VPS13D: variants seen among roughly 807,000 people sequenced by gnomAD.
VPS13D encodes the protein vacuolar protein sorting 13 homolog D, also known as intermembrane lipid transfer protein VPS13D.
VPS13D carries 187 observed loss-of-function variants against 461.9 expected under a neutral mutation model. The ratio of observed to expected loss-of-function variants is 0.40; its 90% CI spans 0.36 to 0.46. The LOEUF is 0.46. Among genes scored for constraint, VPS13D ranks in the 20% least tolerant of loss-of-function variants. The pLI is 0.60. For synonymous variants in VPS13D, 1,951 were observed against 1,986.3 expected, an observed-to-expected ratio of 0.98 and a Z score of 0.47; for missense variants, 4,711 against 5,364.9, an observed-to-expected ratio of 0.88 and a Z score of 3.81.
chr1:12,379,663 C>T (rs980008565), intron 57 of VPS13D, 67 bp downstream of exon 57: 19 of 1,135,606 alleles, frequency 1.7e-5, no homozygotes, highest in Non-Finnish European at 2.3e-5. Flanking sequence ...AAAGTCTCTA[C>T]TAAGTTATAC....
chr1:12,497,393 TGTAAA>T, intron 67 of VPS13D, 102 bp from the exon 68 acceptor site: 2 of 1,358,348 alleles, frequency 1.5e-6, no homozygotes, highest in Non-Finnish European at 2.0e-6. Flanking sequence ...GTTCACTAAA[TGTAAA>T]GTATGTCTCG....
chr1:12,385,856 T>G (rs1385509640), intron 59 of VPS13D, among the ~76,000 whole-genome samples: 1 of 152,210 alleles, frequency 6.6e-6, no homozygotes, highest in Non-Finnish European at 1.5e-5. Flanking sequence ...GATAACAGAT[T>G]ATGAGCTTTC....
At chr1:12,371,037 T>C (rs1412719103) in intron 54 of VPS13D, among the ~76,000 whole-genome samples, 2 of 152,210 alleles carry the variant, frequency 1.3e-5, no homozygotes, top group East Asian at 3.8e-4. Context: ...TGAGGAAGAA[T>C]AGTTTTTTTT....
In VPS13D at chr1:12,404,578, T is replaced by G. The variant is rs72868265; in HGVS notation, c.12030+605T>G. Reference sequence around the variant, plus strand: ...CACAGCCTGAACACCGTCTTCATTTTCAGCCATAAAGTTTATCTTCATCAA... The same window carrying G: ...CACAGCCTGAACACCGTCTTCATTTGCAGCCATAAAGTTTATCTTCATCAA... On this transcript the variant is annotated intron_variant, in intron 63 of 69. Coordinates refer to ENST00000620676, the MANE Select transcript of VPS13D (RefSeq NM_015378.4). Among the ~76,000 whole-genome samples the G allele has an allele frequency of 4.8e-3, 724 of 152,348 alleles. 5 individuals carry two copies. The highest frequency in any genetic ancestry group is 0.016 in the African/African-American group (684 of 41,584).
chr1:12,356,372 T>G, intron 48 of VPS13D, 26 bp from the exon 49 acceptor site: 1 of 1,604,862 alleles, frequency 6.2e-7, no homozygotes, highest in Non-Finnish European at 8.5e-7. Flanking sequence ...GTGGTATTGA[T>G]GTAAACTTTT....
At chr1:12,504,771 G>C (rs555666226) in intron 68 of VPS13D, among the ~76,000 whole-genome samples, 1 of 152,296 alleles carries the variant, frequency 6.6e-6, no homozygotes, top group South Asian at 2.1e-4. Flanking sequence ...ACCATCTGGG[G>C]CATCTTGGAA....
At position 12,278,054 on chromosome 1, in the gene VPS13D, C is replaced by G; in HGVS notation, c.4450+16C>G. 6.3e-7 allele frequency: 1 copy of G among 1,588,034 alleles called. No homozygotes were observed. The highest frequency in any genetic ancestry group is 1.1e-5 in the South Asian group (1 of 86,992). ...AGAGGTCAAGGTGAGGAGCATCAGT[C>G]TTTTGTTCTATTTTGTTTAATGATT... On this transcript the variant is annotated intron_variant, in intron 19 of 69. Transcript: ENST00000620676.
intron 35 of VPS13D, among the ~76,000 whole-genome samples, chr1:12,326,371 A>G (rs534362803): frequency 2.1e-4 from 24 of 111,666 alleles, no homozygotes; most frequent in Admixed American, 1.0e-3. Context: ...TTGCTCTGTT[A>G]CCCAGGCTGG....
At chr1:12,455,555 C>G (rs966141677) in intron 65 of VPS13D, among the ~76,000 whole-genome samples, 5 of 151,770 alleles carry the variant, frequency 3.3e-5, no homozygotes, top group African/African-American at 1.2e-4. Context: ...GTGTCCAGTC[C>G]TTTTGAGAAC....
At chr1:12,334,856 G>A (rs185249113) in intron 38 of VPS13D, among the ~76,000 whole-genome samples, 4 of 152,222 alleles carry the variant, frequency 2.6e-5, no homozygotes, top group East Asian at 1.9e-4. Context: ...TCCTTGTTCC[G>A]AATACTATAC....
chr1:12,396,024 TATATA>T lies in VPS13D; in HGVS notation c.11635-4156_11635-4152del, dbSNP rs1557754776. On this transcript the variant is annotated intron_variant, in intron 60 of 69. Transcript: ENST00000620676. ...ATATATATATATATATATATATATA[TATATA>T]GTTCTTTAAGATCAATAAAATTAAT... Among the ~76,000 whole-genome samples, 35 of 137,222 alleles carry T rather than the reference TATATA, an allele frequency of 2.6e-4. 2 individuals are homozygous for T. Among genetic ancestry groups the T allele is most frequent in the African/African-American group, 7.5e-4 (26 of 34,762 alleles). 90.0% of individuals were successfully genotyped at this position (137,222 alleles called of 152,430 possible). A position where few individuals can be genotyped will look rare whatever the true frequency, so the allele number is the denominator to read the frequency against.
chr1:12,495,205 A>G lies in VPS13D; in HGVS notation c.12663-2295A>G, dbSNP rs1209812615. Among the ~76,000 whole-genome samples, 1 of 147,156 alleles carries G rather than the reference A, an allele frequency of 6.8e-6. No homozygotes were observed. The highest frequency in any genetic ancestry group is 2.0e-4 in the East Asian group (1 of 5,020). On this transcript the variant is annotated intron_variant, in intron 67 of 69. Coordinates refer to ENST00000620676, the MANE Select transcript of VPS13D (RefSeq NM_015378.4). This position sits in a 1 kb window ranked among gnomAD's most constrained non-coding sequence, Gnocchi z 4.0. ...TGCTCTGTCGCCCAGGCTGGAGTGCAGTGGCAGGATCTCGGCTCACTGCAA... is the reference window on the plus strand; with the variant it reads ...TGCTCTGTCGCCCAGGCTGGAGTGCGGTGGCAGGATCTCGGCTCACTGCAA...
chr1:12,244,769 G>A (rs1640493645), intron 5 of VPS13D, 152 bp downstream of exon 5: 2 of 674,078 alleles, frequency 3.0e-6, no homozygotes. Context: ...TTTGTAGGCT[G>A]TGCCAAGAGG....
At chr1:12,256,932 G>A in intron 8 of VPS13D, 55 bp from the exon 9 acceptor site, 1 of 1,575,202 alleles carries the variant, frequency 6.3e-7, no homozygotes, top group Non-Finnish European at 8.7e-7. Context: ...GGTCTTAACT[G>A]AGTAAAAGAA....
chr1:12,354,909 A>G (rs1557728819), intron 47 of VPS13D, among the ~76,000 whole-genome samples: 1 of 151,678 alleles, frequency 6.6e-6, no homozygotes. Context: ...CAGCCAAATT[A>G]AATTTAAATG....
chr1:12,499,844 A>G, intron 68 of VPS13D: 2 of 985,286 alleles, frequency 2.0e-6, no homozygotes, highest in Non-Finnish European at 2.4e-6. Flanking sequence ...TGAACATTAC[A>G]CTCATCACTC....
At position 12,509,018 on chromosome 1, in the gene VPS13D, C is replaced by G; in HGVS notation, c.13161C>G (p.Asp4387Glu). Residue 4387 changes from aspartate to glutamate, a missense_variant, in exon 70 of 70, where the codon GAC (aspartate) becomes GAG (glutamate). Asp to Glu is a conservative substitution (Grantham distance 45, BLOSUM62 2). Coordinates refer to ENST00000620676, the MANE Select transcript of VPS13D (RefSeq NM_015378.4). ...LSENREQLELDS is the reference protein window; with the variant it reads ...LSENREQLELES Reference sequence around the variant, plus strand: ...AAAACCGAGAGCAGCTGGAGCTGGACTCCTGAAGCCCCGCTGCTGAGATGG... The same window carrying G: ...AAAACCGAGAGCAGCTGGAGCTGGAGTCCTGAAGCCCCGCTGCTGAGATGG... The G allele has an allele frequency of 6.2e-7, 1 of 1,614,062 alleles. No individual in the cohort carries two copies. The highest frequency in any genetic ancestry group is 1.1e-5 in the South Asian group (1 of 91,022).
At chr1:12,237,151 A>G (rs980407204) in intron 2 of VPS13D, among the ~76,000 whole-genome samples, 2 of 152,012 alleles carry the variant, frequency 1.3e-5, no homozygotes, top group African/African-American at 2.4e-5. Flanking sequence ...GTGTGTGTAT[A>G]TATATGTAGA....
Position 12,257,107 on chromosome 1 carries a change from G to T in VPS13D, c.941+20G>T, listed in dbSNP as rs371547051. The T allele has an allele frequency of 2.6e-5, 41 of 1,605,360 alleles. No individual in the cohort carries two copies. Among genetic ancestry groups the T allele is most frequent in the East Asian group, 2.2e-4 (10 of 44,838 alleles). On this transcript the variant is annotated intron_variant, in intron 9 of 69. Coordinates refer to ENST00000620676, the MANE Select transcript of VPS13D (RefSeq NM_015378.4). ...TAAGAAGTAAGGGCTTCTCAGTGTG[G>T]TCATGAAATTCATGTTAGAGCCTGT...
Sources: allele counts gnomAD v4.1 joint callset (sites outside exome capture counted in the v4.1 genomes callset), GRCh38; gene constraint gnomAD v4.1.1; non-coding constraint Gnocchi (gnomAD v3.1); transcripts MANE v1.5; gene names NCBI Gene and HGNC (gene_info 2026-07-23, HGNC 2026-07-21).